Variants in OXNAD1 observed in about 807,000 individuals in gnomAD.
OXNAD1 encodes oxidoreductase NAD binding domain containing 1.
A neutral mutation model predicts 32.9 loss-of-function variants in OXNAD1; 34 were observed. The ratio of observed to expected loss-of-function variants is 1.03; its 90% CI spans 0.79 to 1.38. The LOEUF is 1.38. Among genes scored for constraint, OXNAD1 ranks in the 40% most tolerant of loss-of-function variants. The pLI is 0.00. For missense variants in OXNAD1, 407 were observed against 379.4 expected (o/e 1.07, Z -0.60); for synonymous variants, 134 against 135.2 (o/e 0.99, Z 0.06).
At chr3:16,296,792 G>A (rs1007203081) in intron 6 of OXNAD1, among the ~76,000 whole-genome samples, 13 of 151,930 alleles carry the variant, frequency 8.6e-5, no homozygotes, top group East Asian at 3.9e-4. Context: ...ACAAAAAAAC[G>A]AAAAACCAAA....
chr3:16,333,028 G>A (rs1236289122), intron 9 of OXNAD1, among the ~76,000 whole-genome samples: 3 of 152,218 alleles, frequency 2.0e-5, no homozygotes, highest in Admixed American at 6.5e-5. Context: ...TTAATAGATA[G>A]TGTTGATTCA....
At chr3:16,269,455 A>G (rs1371539648) in intron 2 of OXNAD1, among the ~76,000 whole-genome samples, 180 bp downstream of exon 2, 1 of 152,264 alleles carries the variant, frequency 6.6e-6, no homozygotes, top group Admixed American at 6.5e-5. Context: ...GCAACATACT[A>G]TGACAAGAAG....
Position 16,290,218 on chromosome 3 carries a change from T to C in OXNAD1, c.290+3770T>C, listed in dbSNP as rs1284899550. On this transcript the variant is annotated intron_variant, in intron 5 of 8. Coordinates refer to ENST00000285083, the MANE Select transcript of OXNAD1 (RefSeq NM_138381.5). This position sits in a 1 kb window ranked among gnomAD's most constrained non-coding sequence, Gnocchi z 4.2. ...CACTCATTGGGTATATAGTAAGGGC[T>C]TTAACTCATGGCTCCAAGAGTGCTC... 2.0e-5 allele frequency among the ~76,000 whole-genome samples: 3 copies of C among 152,224 alleles called. No homozygotes were observed. The highest frequency in any genetic ancestry group is 3.8e-4 in the East Asian group (2 of 5,198).
intron 9 of OXNAD1, among the ~76,000 whole-genome samples, chr3:16,333,922 T>C (rs1176565095): frequency 3.3e-5 from 5 of 152,138 alleles, no homozygotes; most frequent in African/African-American, 1.2e-4. Context: ...TCCCAGCACT[T>C]TGGGAGGCCG....
chr3:16,345,841 C>A lies in OXNAD1; in HGVS notation c.*31-3335C>A, dbSNP rs1462088655. Among the ~76,000 whole-genome samples, 1 of 59,308 alleles carries A rather than the reference C, an allele frequency of 1.7e-5. No homozygotes were observed. Among genetic ancestry groups the A allele is most frequent in the Non-Finnish European group, 3.5e-5 (1 of 28,638 alleles). The allele number at this position is 59,308 out of a possible 152,430, so 38.9% of individuals were successfully genotyped here. On this transcript the variant is annotated intron_variant, in intron 9 of 9. Transcript: ENST00000606098. The surrounding 1 kb of genome is among the most constrained non-coding windows in gnomAD (Gnocchi z 5.2). ...GTGCGCGCGCGCGTGCGCGCACGCG[C>A]ACATGTGCATGTGTATGTGTATAAT... is the stretch of plus-strand genomic sequence containing the variant.
At chr3:16,295,168 C>T (rs1182356428) in intron 6 of OXNAD1, among the ~76,000 whole-genome samples, 171 bp downstream of exon 6, 1 of 152,136 alleles carries the variant, frequency 6.6e-6, no homozygotes, top group Non-Finnish European at 1.5e-5. Flanking sequence ...AAGTATGAGT[C>T]AGAGACTTTG....
rs2067312252 is a variant in OXNAD1 at position 16,303,237 on chromosome 3, T to C, written c.785-171T>C. Among the ~76,000 whole-genome samples the C allele has an allele frequency of 6.6e-6, 1 of 152,220 alleles. No homozygotes were observed. The highest frequency in any genetic ancestry group is 6.5e-5 in the Admixed American group (1 of 15,276). ...GTTTAGGAAGCCTGGAGATGCACTC[T>C]GCTTGGGTCTGGGCCCAGATGCCAA... On this transcript the variant is annotated intron_variant, in intron 8 of 8. Transcript: ENST00000285083. This position sits in a 1 kb window ranked among gnomAD's most constrained non-coding sequence, Gnocchi z 4.8.
Position 16,336,660 on chromosome 3 carries a change from A to G in OXNAD1, c.*31-452A>G, listed in dbSNP as rs1002140411. On this transcript the variant is annotated intron_variant, in intron 9 of 9. Coordinates refer to the OXNAD1 transcript ENST00000435829. The surrounding 1 kb of genome is among the most constrained non-coding windows in gnomAD (Gnocchi z 6.0). ...TAGGCTTTCATAATGTTCAAAGAGAATAATTTTTTTTTTTTAAAAAAGCTT... is the reference window on the plus strand; with the variant it reads ...TAGGCTTTCATAATGTTCAAAGAGAGTAATTTTTTTTTTTTAAAAAAGCTT... Among the ~76,000 whole-genome samples, 1 of 152,182 alleles carries G rather than the reference A, an allele frequency of 6.6e-6. No individual in the cohort carries two copies. Among genetic ancestry groups the G allele is most frequent in the African/African-American group, 2.4e-5 (1 of 41,422 alleles).
In OXNAD1 at chr3:16,342,958, G is replaced by A. The variant is rs904733268; in HGVS notation, c.*31-6218G>A. Among the ~76,000 whole-genome samples, 1 of 152,064 alleles carries A rather than the reference G, an allele frequency of 6.6e-6. No homozygotes were observed. Among genetic ancestry groups the A allele is most frequent in the Non-Finnish European group, 1.5e-5 (1 of 68,012 alleles). On this transcript the variant is annotated intron_variant, in intron 9 of 9. Coordinates refer to the OXNAD1 transcript ENST00000606098. This position sits in a 1 kb window ranked among gnomAD's most constrained non-coding sequence, Gnocchi z 4.0. ...AGGCTCAAGTGAGCCTCCCACTACA[G>A]CCCCTCTGAGTCGCTGGGAATACAG... is the stretch of plus-strand genomic sequence containing the variant.
rs952861213 is a variant in OXNAD1 at position 16,271,419 on chromosome 3, G to C, written c.120-240G>C. 6.6e-6 allele frequency among the ~76,000 whole-genome samples: 1 copy of C among 152,064 alleles called. No individual in the cohort carries two copies. The highest frequency in any genetic ancestry group is 2.4e-5 in the African/African-American group (1 of 41,396). The stretch of plus-strand genomic sequence containing the variant: ...GGCTTTCTCCATGTTGGCCAGGCTG[G>C]TCTCGTACTCCTGACGTCAGATGAT... On this transcript the variant is annotated intron_variant, in intron 3 of 8. Transcript: ENST00000285083. This position sits in a 1 kb window ranked among gnomAD's most constrained non-coding sequence, Gnocchi z 4.6.
At chr3:16,272,245 C>T in intron 4 of OXNAD1, 1 of 428,022 alleles carries the variant, frequency 2.3e-6, no homozygotes, top group Non-Finnish European at 4.6e-6. Flanking sequence ...CCACCATATT[C>T]AGACTATAGA....
rs1178984636 is a variant in OXNAD1 at position 16,290,119 on chromosome 3, GC to G, written c.290+3672del. ...GGGCTCCCTTTGTGGACAGGACCTG[GC>G]TGCCTGGTGTGTCATGGTTGGATGT... On this transcript the variant is annotated intron_variant, in intron 5 of 8. Coordinates refer to ENST00000285083, the MANE Select transcript of OXNAD1 (RefSeq NM_138381.5). The surrounding 1 kb of genome is among the most constrained non-coding windows in gnomAD (Gnocchi z 4.2). Among the ~76,000 whole-genome samples, 1 of 152,180 alleles carries G rather than the reference GC, an allele frequency of 6.6e-6. No homozygotes were observed. Among genetic ancestry groups the G allele is most frequent in the Non-Finnish European group, 1.5e-5 (1 of 68,038 alleles).
downstream of OXNAD1, among the ~76,000 whole-genome samples, chr3:16,350,492 CTT>C (rs11324617): frequency 5.0e-3 from 738 of 146,468 alleles, 1 homozygote; most frequent in African/African-American, 0.012. Context: ...AGATGAATCA[CTT>C]TTTTTTTTTT....
Position 16,280,898 on chromosome 3 carries a change from G to A in OXNAD1, c.184-5444G>A, listed in dbSNP as rs2125020220. On this transcript the variant is annotated intron_variant, in intron 4 of 8. Transcript: ENST00000285083. The surrounding 1 kb of genome is among the most constrained non-coding windows in gnomAD (Gnocchi z 4.5). ...TACTGAACACTGGAAAAGCATAAAT[G>A]TTGTTTTATGGAAAACTTCATTTCC... Among the ~76,000 whole-genome samples the A allele has an allele frequency of 6.6e-6, 1 of 152,258 alleles. No individual in the cohort carries two copies.
At chr3:16,268,117 A>G (rs1256894936) in intron 1 of OXNAD1, among the ~76,000 whole-genome samples, 1 of 152,172 alleles carries the variant, frequency 6.6e-6, no homozygotes. Context: ...AAATGCTTAC[A>G]GTATGGAACC....
At chr3:16,282,649 G>T (rs910343577) in intron 4 of OXNAD1, among the ~76,000 whole-genome samples, 1 of 151,934 alleles carries the variant, frequency 6.6e-6, no homozygotes, top group African/African-American at 2.4e-5. Context: ...GCAGAAGGTT[G>T]GTAGAACTGA....
rs753623989 is a variant in OXNAD1 at position 16,297,968 on chromosome 3, A to G, written c.432+2971A>G. Among the ~76,000 whole-genome samples the G allele has an allele frequency of 2.6e-5, 4 of 152,216 alleles. No individual in the cohort carries two copies. The South Asian group carries it at 8.3e-4, about 31-fold the overall frequency. On this transcript the variant is annotated intron_variant, in intron 6 of 8. Coordinates refer to ENST00000285083, the MANE Select transcript of OXNAD1 (RefSeq NM_138381.5). The surrounding 1 kb of genome is among the most constrained non-coding windows in gnomAD (Gnocchi z 4.3). ...CGTATACCAAAAGAAAAAGATTTCT[A>G]TTAAGGAAATTTTTAAAATAAGTTT... is the stretch of plus-strand genomic sequence containing the variant.
rs1232067015 is a variant in OXNAD1 at position 16,290,145 on chromosome 3, T to C, written c.290+3697T>C. Among the ~76,000 whole-genome samples, 1 of 152,210 alleles carries C rather than the reference T, an allele frequency of 6.6e-6. No individual in the cohort carries two copies. The highest frequency in any genetic ancestry group is 2.4e-5 in the African/African-American group (1 of 41,454). ...CTGCCTGGTGTGTCATGGTTGGATG[T>C]GGACATCCACTGCTTCACCGCGCAC... On this transcript the variant is annotated intron_variant, in intron 5 of 8. Coordinates refer to ENST00000285083, the MANE Select transcript of OXNAD1 (RefSeq NM_138381.5). The surrounding 1 kb of genome is among the most constrained non-coding windows in gnomAD (Gnocchi z 4.2).
At chr3:16,296,567 T>G (rs1327496168) in intron 6 of OXNAD1, among the ~76,000 whole-genome samples, 2 of 152,110 alleles carry the variant, frequency 1.3e-5, no homozygotes, top group East Asian at 3.8e-4. Flanking sequence ...TTAATCAAAT[T>G]TAAGATAAAG....
Sources: allele counts gnomAD v4.1 joint callset (sites outside exome capture counted in the v4.1 genomes callset), GRCh38; gene constraint gnomAD v4.1.1; non-coding constraint Gnocchi (gnomAD v3.1); transcripts MANE v1.5; gene names NCBI Gene and HGNC (gene_info 2026-07-23, HGNC 2026-07-21).